PDE3A: variants seen among roughly 807,000 people sequenced by gnomAD.
PDE3A encodes cGMP-inhibited 3',5'-cyclic phosphodiesterase 3A.
Under a neutral mutation model 98.3 loss-of-function variants are expected in PDE3A, and 43 were observed. The ratio of observed to expected loss-of-function variants is 0.44; its 90% CI spans 0.34 to 0.56. The LOEUF is 0.56. Ranked by LOEUF, PDE3A falls within the 20% of genes least tolerant of loss-of-function variation. PDE3A has a pLI of 0.01. For synonymous variants in PDE3A, 663 were observed against 567.9 expected (o/e 1.17, Z -2.38); for missense variants, 1,427 against 1,440.7 (o/e 0.99, Z 0.15).
chr12:20,533,524 C>T (rs1941666878), intron 1 of PDE3A, among the ~76,000 whole-genome samples: 1 of 150,324 alleles, frequency 6.7e-6, no homozygotes, highest in African/African-American at 2.5e-5. Flanking sequence ...TCCTGTCACC[C>T]AGGCTGGAGT....
At chr12:20,662,972 G>T (rs1945214289) in intron 15 of PDE3A, among the ~76,000 whole-genome samples, 1 of 152,110 alleles carries the variant, frequency 6.6e-6, no homozygotes, top group South Asian at 2.1e-4. Context: ...GATTTCACAG[G>T]CCAGGCCCCA....
chr12:20,377,737 G>A (rs926185356), intron 1 of PDE3A, among the ~76,000 whole-genome samples: 9 of 151,434 alleles, frequency 5.9e-5, no homozygotes, highest in Admixed American at 2.0e-4. Context: ...TTTAAAATAT[G>A]ATTATTTTCA....
At chr12:20,598,300 A>G (rs371541042) in intron 2 of PDE3A, among the ~76,000 whole-genome samples, 201 of 152,046 alleles carry the variant, frequency 1.3e-3, no homozygotes, top group South Asian at 8.3e-3. Context: ...CTCCTGCCTC[A>G]GCCTCCTGAG....
chr12:20,452,220 G>A (rs1371645538), intron 1 of PDE3A, among the ~76,000 whole-genome samples: 1 of 152,210 alleles, frequency 6.6e-6, no homozygotes, highest in African/African-American at 2.4e-5. Flanking sequence ...TGCAAGATTA[G>A]TCTCTGTCTT....
At chr12:20,492,522 G>C (rs891075554) in intron 1 of PDE3A, among the ~76,000 whole-genome samples, 1 of 152,074 alleles carries the variant, frequency 6.6e-6, no homozygotes. Flanking sequence ...GGAATGATGA[G>C]GCAACCTGGG....
intron 1 of PDE3A, among the ~76,000 whole-genome samples, chr12:20,488,900 A>G (rs1481586852): frequency 6.6e-6 from 1 of 150,400 alleles, no homozygotes; most frequent in Non-Finnish European, 1.5e-5. Flanking sequence ...AAAAAAGAGA[A>G]AAAGAAGCAG....
At chr12:20,504,046 T>A (rs534951427) in intron 1 of PDE3A, among the ~76,000 whole-genome samples, 1 of 152,286 alleles carries the variant, frequency 6.6e-6, no homozygotes, top group African/African-American at 2.4e-5. Context: ...ATTCATTTTG[T>A]TAATTCAGCA....
intron 15 of PDE3A, among the ~76,000 whole-genome samples, chr12:20,660,576 A>C (rs1945143298): frequency 6.6e-6 from 1 of 152,046 alleles, no homozygotes. Flanking sequence ...CCGGTGGGAG[A>C]TAATTGTATC....
intron 1 of PDE3A, among the ~76,000 whole-genome samples, chr12:20,411,456 T>C (rs1393977349): frequency 2.0e-5 from 3 of 152,218 alleles, no homozygotes; most frequent in Non-Finnish European, 4.4e-5. Flanking sequence ...AAGGTTTATG[T>C]GTATTGTAGC....
At position 20,532,691 on chromosome 12, in the gene PDE3A, T is replaced by C. The variant is rs1404065212; in HGVS notation, c.961-23969T>C. Among the ~76,000 whole-genome samples the C allele has an allele frequency of 1.1e-4, 16 of 145,968 alleles. No individual in the cohort carries two copies. The East Asian group carries it at 1.2e-3, about 11-fold the overall frequency. On this transcript the variant is annotated intron_variant, in intron 1 of 15. Coordinates refer to ENST00000359062, the MANE Select transcript of PDE3A (RefSeq NM_000921.5). ...TTTGTGTATTAGTTTCTCTCTCTTT[T>C]TTTTTTTTTTTTTTTGAGACGGAGT...
intron 1 of PDE3A, among the ~76,000 whole-genome samples, chr12:20,516,950 G>A (rs1946332989): frequency 6.6e-6 from 1 of 152,148 alleles, no homozygotes; most frequent in African/African-American, 2.4e-5. Flanking sequence ...GAATTTCAAA[G>A]CAGGAAGAGC....
At chr12:20,635,105 T>C in intron 8 of PDE3A, 49 bp downstream of exon 8, 1 of 1,508,892 alleles carries the variant, frequency 6.6e-7, no homozygotes, top group Non-Finnish European at 9.1e-7. Context: ...GATGAGCTTC[T>C]GTTACAGATA....
In PDE3A at chr12:20,635,781, C is replaced by T. The variant is rs1185904549; in HGVS notation, c.2001+725C>T. Among the ~76,000 whole-genome samples the T allele has an allele frequency of 3.4e-5, 5 of 148,572 alleles. No individual in the cohort carries two copies. In the East Asian group the frequency reaches 1.0e-3, roughly 30 times the overall value. The stretch of plus-strand genomic sequence containing the variant: ...AAAAAAAAAAAAAAAAGAAATTAAT[C>T]TCTGAAACATGAGATTTACAGATGT... On this transcript the variant is annotated intron_variant, in intron 8 of 15. Coordinates refer to ENST00000359062, the MANE Select transcript of PDE3A (RefSeq NM_000921.5).
rs143841768 is a variant in PDE3A at position 20,451,005 on chromosome 12, A to T, written c.960+80761A>T. ...GGTGAACAAGTAAAAAAGCTCAGTT[A>T]CCTGCAGAAAGTTGCTTGCAGTTTC... On this transcript the variant is annotated intron_variant, in intron 1 of 15. Transcript: ENST00000359062. Among the ~76,000 whole-genome samples the T allele has an allele frequency of 2.3e-4, 35 of 152,354 alleles. No homozygotes were observed. In the East Asian group the frequency reaches 6.4e-3, roughly 28 times the overall value.
At chr12:20,378,662 T>G (rs1283803387) in intron 1 of PDE3A, among the ~76,000 whole-genome samples, 2 of 151,770 alleles carry the variant, frequency 1.3e-5, no homozygotes, top group Admixed American at 1.3e-4. Context: ...AAAGCTGACT[T>G]AATTTAGAGT....
intron 2 of PDE3A, among the ~76,000 whole-genome samples, chr12:20,577,991 G>A (rs886785153): frequency 5.9e-5 from 9 of 152,098 alleles, no homozygotes; most frequent in Non-Finnish European, 1.2e-4. Context: ...GTGGGAGAGG[G>A]GCAGTCCTGT....
intron 2 of PDE3A, among the ~76,000 whole-genome samples, chr12:20,585,737 C>G (rs907997409): frequency 6.6e-6 from 1 of 152,132 alleles, no homozygotes; most frequent in Admixed American, 6.6e-5. Context: ...CTTAAGTTAT[C>G]TTTTGAGTGC....
intron 11 of PDE3A, 49 bp downstream of exon 11, chr12:20,646,652 G>A (rs754092536): frequency 7.2e-7 from 1 of 1,397,984 alleles, no homozygotes. Flanking sequence ...GGGAACAAGG[G>A]TGTTTTTGTT....
intron 15 of PDE3A, among the ~76,000 whole-genome samples, chr12:20,657,959 G>A (rs1945080931): frequency 6.6e-6 from 1 of 152,170 alleles, no homozygotes; most frequent in African/African-American, 2.4e-5. Context: ...CTACAACTGT[G>A]ATTCAAACCT....
Sources: gnomAD v4.1 joint callset for allele counts (sites outside exome capture counted in the v4.1 genomes callset) on GRCh38, gnomAD v4.1.1 for gene constraint, MANE v1.5 for transcripts, NCBI Gene and HGNC (gene_info 2026-07-23, HGNC 2026-07-21) for gene names.